The following SQSTM1 variants were observed in gnomAD, a reference collection of about 807,000 sequenced individuals.
SQSTM1 encodes sequestosome 1.
SQSTM1 carries 36 observed loss-of-function variants against 45.1 expected under a neutral mutation model. That is an observed-to-expected ratio of 0.80 (90% CI 0.61 to 1.05). The LOEUF (loss-of-function observed/expected upper bound fraction) is 1.05, where lower values mean the gene tolerates loss of function less well. Among genes scored for constraint, SQSTM1 ranks in the 50% least tolerant of loss-of-function variants. The pLI, the probability that SQSTM1 is intolerant of heterozygous loss-of-function variation, is 0.00. For synonymous variants in SQSTM1, 290 were observed against 244.3 expected (o/e 1.19, Z -1.74); for missense variants, 617 against 607.1 (o/e 1.02, Z -0.17).
chr5:179,831,620 C>A (rs373372615), intron 5 of SQSTM1, among the ~76,000 whole-genome samples: 2 of 151,948 alleles, frequency 1.3e-5, no homozygotes, highest in Non-Finnish European at 2.9e-5. Context: ...CGAGAGATTG[C>A]GGCACTGCGC....
chr5:179,807,811 C>G (rs1016283609), intron 1 of SQSTM1: 1 of 152,284 alleles, frequency 6.6e-6, no homozygotes, highest in African/African-American at 2.4e-5. Context: ...CGCCACCACA[C>G]CTGGCTAATT....
upstream of SQSTM1, among the ~76,000 whole-genome samples, chr5:179,817,447 C>T (rs1391215302): frequency 2.6e-5 from 4 of 152,186 alleles, no homozygotes; most frequent in Non-Finnish European, 4.4e-5. Context: ...GTCTCGCCCC[C>T]GTCCCGAGGC....
At chr5:179,807,463 A>G (rs1011715865) in intron 1 of SQSTM1, 1 of 152,110 alleles carries the variant, frequency 6.6e-6, no homozygotes, top group Non-Finnish European at 1.5e-5. Context: ...ATGCTCGTGG[A>G]TGCAGAGCAG....
intron 5 of SQSTM1, among the ~76,000 whole-genome samples, chr5:179,830,119 AAAC>A (rs1273024029): frequency 2.2e-5 from 2 of 92,368 alleles, no homozygotes; most frequent in South Asian, 3.4e-4. Context: ...AAACAAAACA[AAAC>A]AAAACAAAAC....
intron 5 of SQSTM1, 106 bp downstream of exon 5, chr5:179,825,332 T>C: frequency 9.8e-7 from 1 of 1,020,146 alleles, no homozygotes. Flanking sequence ...CCCTTGACAC[T>C]GGTGAGGATT....
chr5:179,817,969 C>A (rs1430853524), upstream of SQSTM1, among the ~76,000 whole-genome samples: 1 of 127,344 alleles, frequency 7.9e-6, no homozygotes, highest in South Asian at 2.5e-4. Context: ...GAGCTGAGAT[C>A]GTGCCACTGC....
Position 179,833,634 on chromosome 5 carries a change from C to T in SQSTM1, c.1017C>T (p.Thr339=), listed in dbSNP as rs781390659. The T allele has an allele frequency of 5.0e-6, 8 of 1,614,100 alleles. No homozygotes were observed. The South Asian group carries it at 7.7e-5, about 16-fold the overall frequency. ...DNCSGGDDDW[T]HLSSKEVDPS... is the part of the protein sequence containing the mutation. Reference sequence around the variant, plus strand: ...GTTCAGGAGGAGATGATGACTGGACCCATCTGTCTTCAAAAGAAGTGGACC... The same window carrying T: ...GTTCAGGAGGAGATGATGACTGGACTCATCTGTCTTCAAAAGAAGTGGACC... Residue 339 remains threonine, a synonymous_variant, in exon 7 of 8, where the codon ACC becomes ACT. Coordinates refer to ENST00000389805, the MANE Select transcript of SQSTM1 (RefSeq NM_003900.5).
At chr5:179,816,046 G>C (rs1474365448), upstream of SQSTM1, among the ~76,000 whole-genome samples, 3 of 152,170 alleles carry the variant, frequency 2.0e-5, no homozygotes, top group Non-Finnish European at 4.4e-5. Flanking sequence ...AGTGTGCAGA[G>C]CTGGAGGTGG....
Position 179,836,671 on chromosome 5 carries a change from T to C in SQSTM1, c.*78T>C, listed in dbSNP as rs1758576411. The C allele has an allele frequency of 3.1e-6, 5 of 1,603,048 alleles. No individual in the cohort carries two copies. The highest frequency in any genetic ancestry group is 4.3e-6 in the Non-Finnish European group (5 of 1,170,258). ...AAGCTTGCGTAGAATTGCAGGTCTC[T>C]GTACGGGCCAGTTTCTCTGCCTTCT... is the stretch of plus-strand genomic sequence containing the variant. On this transcript the variant is annotated 3_prime_UTR_variant, in exon 8 of 8. Coordinates refer to ENST00000389805, the MANE Select transcript of SQSTM1 (RefSeq NM_003900.5).
intron 5 of SQSTM1, among the ~76,000 whole-genome samples, chr5:179,830,386 G>A (rs1474323277): frequency 6.6e-6 from 1 of 152,020 alleles, no homozygotes; most frequent in Non-Finnish European, 1.5e-5. Flanking sequence ...AGTTAAAAAG[G>A]CTTTTCGGCC....
rs574034982 is a variant in SQSTM1, at chr5:179,806,666, C to G, written c.-157+75C>G. Reference sequence around the variant, plus strand: ...GGGCCGGGGCGCAGGGGTCGGAAGGCGGCGGCGGCGGCGGCAGGGGCCCCG... The same window carrying G: ...GGGCCGGGGCGCAGGGGTCGGAAGGGGGCGGCGGCGGCGGCAGGGGCCCCG... On this transcript the variant is annotated intron_variant, in intron 1 of 5. Transcript: ENST00000514093. This position sits in a 1 kb window ranked among gnomAD's most constrained non-coding sequence, Gnocchi z 4.6. The G allele has an allele frequency of 2.3e-3, 1,081 of 471,774 alleles. 14 individuals are homozygous for G. Among genetic ancestry groups the G allele is most frequent in the African/African-American group, 0.023 (993 of 43,388 alleles). 29.2% of individuals were successfully genotyped at this position (471,774 alleles called of 1,614,324 possible).
chr5:179,836,353 C>T, intron 7 of SQSTM1, 83 bp from the exon 8 acceptor site: 1 of 1,593,766 alleles, frequency 6.3e-7, no homozygotes, highest in Non-Finnish European at 8.6e-7. Context: ...CTGGTCCTGG[C>T]TGGCCAAGGC....
At chr5:179,823,817 AG>A in intron 2 of SQSTM1, 40 bp from the exon 3 acceptor site, 1 of 1,596,852 alleles carries the variant, frequency 6.3e-7, no homozygotes. Flanking sequence ...GGAGGACTTT[AG>A]GGGGTCCCAC....
intron 1 of SQSTM1, chr5:179,807,450 C>T (rs1245597679): frequency 6.6e-6 from 1 of 152,308 alleles, no homozygotes; most frequent in Admixed American, 6.5e-5. Flanking sequence ...GGTATCAGGG[C>T]CGATGCTCGT....
upstream of SQSTM1, chr5:179,820,899 A>C: frequency 6.8e-7 from 1 of 1,467,528 alleles, no homozygotes; most frequent in South Asian, 1.3e-5. Flanking sequence ...GGCGGCTGCG[A>C]CCGGGACGGC....
chr5:179,816,000 G>A (rs35667813), upstream of SQSTM1, among the ~76,000 whole-genome samples: 22,841 of 152,054 alleles, frequency 0.15, 2,013 homozygotes, highest in African/African-American at 0.22. Flanking sequence ...GAGTCTCGTC[G>A]GGAGGCTGAG....
rs59899831 is a variant in SQSTM1, at chr5:179,823,445, C to CAAA, written c.302-380_302-378dup. The CAAA allele has an allele frequency of 3.5e-3, 196 of 55,936 alleles. 6 individuals carry two copies. The highest frequency in any genetic ancestry group is 0.018 in the Middle Eastern group (1 of 56). 3.5% of individuals were successfully genotyped at this position (55,936 alleles called of 1,614,324 possible). A position where few individuals can be genotyped will look rare whatever the true frequency, so the allele number is the denominator to read the frequency against. Reference sequence around the variant, plus strand: ...CATGACTGTACTCCAGCCTAGGCGACAAAAAAAAAAAAAAAAAAAAAAAAA... The same window carrying CAAA: ...CATGACTGTACTCCAGCCTAGGCGACAAAAAAAAAAAAAAAAAAAAAAAAAAAA... On this transcript the variant is annotated intron_variant, in intron 2 of 7. Coordinates refer to ENST00000389805, the MANE Select transcript of SQSTM1 (RefSeq NM_003900.5).
chr5:179,825,731 C>G lies in SQSTM1; in HGVS notation c.754+505C>G, dbSNP rs528692011. ...GTGGAGGCAGGTGCTCTGGGTGACA[C>G]CCGGTTCTGGTGCCTCAGGTTGCAC... On this transcript the variant is annotated intron_variant, in intron 5 of 7. Transcript: ENST00000389805. Among the ~76,000 whole-genome samples, 3 of 152,292 alleles carry G rather than the reference C, an allele frequency of 2.0e-5. No individual in the cohort carries two copies. The South Asian group carries it at 6.2e-4, about 32-fold the overall frequency.
intron 7 of SQSTM1, among the ~76,000 whole-genome samples, 153 bp downstream of exon 7, chr5:179,833,935 A>G (rs1561606448): frequency 6.6e-6 from 1 of 152,114 alleles, no homozygotes; most frequent in African/African-American, 2.4e-5. Context: ...GTTTTGTCCT[A>G]TTATGTGTAC....
Sources: allele counts gnomAD v4.1 joint callset (sites outside exome capture counted in the v4.1 genomes callset), GRCh38; gene constraint gnomAD v4.1.1; non-coding constraint Gnocchi (gnomAD v3.1); transcripts MANE v1.5; gene names NCBI Gene and HGNC (gene_info 2026-07-23, HGNC 2026-07-21).